The following NRXN1 variants were observed in gnomAD, a reference collection of about 807,000 sequenced individuals.
NRXN1 encodes neurexin 1, also known as neurexin-1.
NRXN1 carries 39 observed loss-of-function variants against 150.9 expected under a neutral mutation model. The observed-to-expected ratio is 0.26, with a 90% confidence interval of 0.20 to 0.34. The LOEUF (loss-of-function observed/expected upper bound fraction) is 0.34, where lower values mean the gene tolerates loss of function less well. Among genes scored for constraint, NRXN1 ranks in the 10% least tolerant of loss-of-function variants. NRXN1 has a pLI of 1.00. For missense variants in NRXN1, 1,815 were observed against 1,949.9 expected (o/e 0.93, Z 1.30); for synonymous variants, 924 against 757.0 (o/e 1.22, Z -3.62).
At chr2:50,240,407 T>A (rs1177285795) in intron 17 of NRXN1, among the ~76,000 whole-genome samples, 1 of 151,750 alleles carries the variant, frequency 6.6e-6, no homozygotes, top group East Asian at 1.9e-4. Context: ...TTCTACATAC[T>A]TCTATAAGCA....
intron 5 of NRXN1, among the ~76,000 whole-genome samples, chr2:50,734,026 C>A (rs1227238265): frequency 6.6e-6 from 1 of 151,964 alleles, no homozygotes; most frequent in Admixed American, 6.6e-5. Context: ...AAGGTCTAAA[C>A]CAGGGGTGAT....
intron 22 of NRXN1, among the ~76,000 whole-genome samples, chr2:49,927,337 CTT>C (rs1669280195): frequency 1.3e-5 from 2 of 152,234 alleles, no homozygotes; most frequent in Admixed American, 1.3e-4. Flanking sequence ...ATTTAAAAGA[CTT>C]TTGTGATGCA....
chr2:50,829,377 C>G, intron 5 of NRXN1: 1 of 1,056,656 alleles, frequency 9.5e-7, no homozygotes, highest in East Asian at 2.6e-5. Context: ...ATCCGCCCGC[C>G]TCGGGCTCCC....
chr2:50,348,835 G>A (rs77980242), intron 17 of NRXN1, among the ~76,000 whole-genome samples: 4 of 146,326 alleles, frequency 2.7e-5, no homozygotes, highest in Admixed American at 2.0e-4. Flanking sequence ...CCAGTGGCTG[G>A]ACTTTTTTTT....
intron 5 of NRXN1, among the ~76,000 whole-genome samples, chr2:50,795,324 A>T (rs1351505927): frequency 6.6e-6 from 1 of 152,010 alleles, no homozygotes; most frequent in Admixed American, 6.6e-5. Context: ...AAAAGACCCA[A>T]TTTTCTTCAT....
intron 21 of NRXN1, among the ~76,000 whole-genome samples, chr2:49,994,291 C>A (rs1682544555): frequency 6.6e-6 from 1 of 152,080 alleles, no homozygotes; most frequent in Non-Finnish European, 1.5e-5. Context: ...TATGTGCAGG[C>A]AGAAATAGGT....
chr2:50,130,341 A>G lies in NRXN1; in HGVS notation c.3547-38847T>C, dbSNP rs185498239. On this transcript the variant is annotated intron_variant, in intron 18 of 22. Transcript: ENST00000401669. ...CAAGCAGGGGGCAGCTTTTGGTAGA[A>G]GGAGCAATAATGTCCTTCTTAGGCA... Among the ~76,000 whole-genome samples the G allele has an allele frequency of 2.4e-4, 37 of 152,206 alleles. No individual in the cohort carries two copies. In the East Asian group the frequency reaches 7.2e-3, roughly 30 times the overall value.
intron 18 of NRXN1, chr2:50,105,427 C>G (rs1358673129): frequency 6.6e-6 from 1 of 152,000 alleles, no homozygotes; most frequent in Non-Finnish European, 1.5e-5. Flanking sequence ...GAGGAACACT[C>G]AGAGAAATAG....
chr2:50,986,442 A>T (rs1575134005), intron 2 of NRXN1, among the ~76,000 whole-genome samples: 1 of 151,810 alleles, frequency 6.6e-6, no homozygotes, highest in East Asian at 1.9e-4. Flanking sequence ...CTAAATATTT[A>T]CCAACAAGGA....
In NRXN1 at chr2:50,497,710, T is replaced by G. The variant is rs770632900; in HGVS notation, c.2502A>C (p.Gln834His). The change falls in exon 14 of 23, where the codon CAA becomes CAC. Residue 834 changes from glutamine (Q) to histidine (H), a missense_variant. By Grantham distance (24) the Gln-to-His change is conservative (BLOSUM62 0). Around this residue, in one of 6 missense-constraint regions of NRXN1, gnomAD observed 638 missense variants for 652.6 expected, o/e 0.98. Transcript: ENST00000401669. ...CCAGCCTAGTATGATCACCTGCCATTTGACCTAAAAGAGAAGATAATATAT... is the reference window on the plus strand; with the variant it reads ...CCAGCCTAGTATGATCACCTGCCATGTGACCTAAAAGAGAAGATAATATAT... ...TVDDQQAMTG[Q>H]MAGDHTRLEF... The G allele has an allele frequency of 6.2e-7, 1 of 1,607,412 alleles. No homozygotes were observed. The highest frequency in any genetic ancestry group is 1.7e-5 in the Admixed American group (1 of 59,406).
intron 8 of NRXN1, among the ~76,000 whole-genome samples, chr2:50,582,552 T>C (rs897699087): frequency 1.8e-5 from 2 of 110,474 alleles, no homozygotes; most frequent in African/African-American, 7.2e-5. Flanking sequence ...AAAACAAAAA[T>C]AGCAAAGAGG....
chr2:50,051,065 T>C (rs1692637631), intron 21 of NRXN1, among the ~76,000 whole-genome samples: 1 of 152,000 alleles, frequency 6.6e-6, no homozygotes, highest in Admixed American at 6.6e-5. Flanking sequence ...CATTTACATC[T>C]ATAAACTGCT....
At chr2:50,468,776 A>C (rs747819365) in intron 16 of NRXN1, among the ~76,000 whole-genome samples, 2 of 151,394 alleles carry the variant, frequency 1.3e-5, no homozygotes, top group Non-Finnish European at 3.0e-5. Context: ...GGTTCAATTT[A>C]CTCATTAAAA....
chr2:50,622,267 C>G (rs7576283), intron 6 of NRXN1, among the ~76,000 whole-genome samples: 77,538 of 151,870 alleles, frequency 0.51, 19,988 homozygotes, highest in East Asian at 0.66. Context: ...GCTCCTTTTT[C>G]TTTCTCTAGC....
chr2:49,998,325 C>T (rs948476908), intron 21 of NRXN1, among the ~76,000 whole-genome samples: 2 of 152,092 alleles, frequency 1.3e-5, no homozygotes, highest in Non-Finnish European at 2.9e-5. Flanking sequence ...AGAAGGATAA[C>T]CTTCACCACT....
chr2:50,578,849 T>C (rs1024989513), intron 8 of NRXN1, among the ~76,000 whole-genome samples: 14 of 152,084 alleles, frequency 9.2e-5, no homozygotes, highest in African/African-American at 3.4e-4. Flanking sequence ...ATTATTTTGA[T>C]TGGGGTCACT....
At chr2:50,762,679 T>C (rs1701942732) in intron 5 of NRXN1, among the ~76,000 whole-genome samples, 1 of 151,964 alleles carries the variant, frequency 6.6e-6, no homozygotes, top group Non-Finnish European at 1.5e-5. Flanking sequence ...TTTCATTCAT[T>C]TTCATGGCTG....
intron 18 of NRXN1, among the ~76,000 whole-genome samples, chr2:50,213,270 C>A (rs553000359): frequency 4.6e-5 from 7 of 151,970 alleles, no homozygotes; most frequent in African/African-American, 1.7e-4. Flanking sequence ...GTGAACCAGA[C>A]AGACATAATA....
At chr2:50,301,716 A>C (rs984856640) in intron 17 of NRXN1, among the ~76,000 whole-genome samples, 1 of 152,204 alleles carries the variant, frequency 6.6e-6, no homozygotes, top group Non-Finnish European at 1.5e-5. Flanking sequence ...GTGCTCTGAC[A>C]ATACAGGAAC....
Sources: gnomAD v4.1 joint callset for allele counts (sites outside exome capture counted in the v4.1 genomes callset) on GRCh38, gnomAD v4.1.1 for gene constraint, gnomAD v4.1.1 regional missense constraint, MANE v1.5 for transcripts, NCBI Gene and HGNC (gene_info 2026-07-23, HGNC 2026-07-21) for gene names.